Variants in PTK2 observed in about 807,000 individuals in gnomAD.
The protein encoded by PTK2 is protein tyrosine kinase 2.
A neutral mutation model predicts 150.1 loss-of-function variants in PTK2; 45 were observed. That is an observed-to-expected ratio of 0.30 (90% CI 0.24 to 0.38). The LOEUF is 0.38. Among genes scored for constraint, PTK2 ranks in the 10% least tolerant of loss-of-function variants. The pLI is 1.00. For synonymous variants in PTK2, 432 were observed against 449.2 expected (o/e 0.96, Z 0.48); for missense variants, 919 against 1,307.3 (o/e 0.70, Z 4.58).
intron 21 of PTK2, among the ~76,000 whole-genome samples, chr8:140,737,352 C>T (rs1173055166): frequency 6.6e-6 from 1 of 152,142 alleles, no homozygotes; most frequent in Non-Finnish European, 1.5e-5. Flanking sequence ...ATCCTCCCTC[C>T]TTGGCCTCCC....
At chr8:140,931,374 C>T (rs1317676348) in intron 1 of PTK2, among the ~76,000 whole-genome samples, 1 of 152,048 alleles carries the variant, frequency 6.6e-6, no homozygotes, top group African/African-American at 2.4e-5. Context: ...TCAGCCTAGG[C>T]AACAAGATGA....
intron 1 of PTK2, among the ~76,000 whole-genome samples, chr8:140,940,374 G>A (rs375722954): frequency 5.3e-5 from 8 of 152,218 alleles, no homozygotes; most frequent in African/African-American, 1.9e-4. Context: ...GCCTGAACCC[G>A]GGAAACGGAG....
chr8:140,778,319 C>T (rs2100079595), intron 14 of PTK2, among the ~76,000 whole-genome samples: 1 of 152,152 alleles, frequency 6.6e-6, no homozygotes. Flanking sequence ...AAAAATTAGC[C>T]AGGCATCTGT....
chr8:140,745,979 G>A (rs1194408387), intron 18 of PTK2, among the ~76,000 whole-genome samples: 10 of 147,810 alleles, frequency 6.8e-5, no homozygotes, highest in East Asian at 5.9e-4. Flanking sequence ...CAGCTTGGGC[G>A]ACAGAGCGAG....
chr8:140,885,027 A>G (rs1287101925), intron 3 of PTK2, among the ~76,000 whole-genome samples: 1 of 152,212 alleles, frequency 6.6e-6, no homozygotes, highest in Admixed American at 6.5e-5. Context: ...TGAATGGGAT[A>G]AGAATACTGT....
chr8:140,980,609 G>A (rs966911929), intron 1 of PTK2, among the ~76,000 whole-genome samples: 3 of 152,132 alleles, frequency 2.0e-5, no homozygotes, highest in South Asian at 4.2e-4. Context: ...GCGACAGAGC[G>A]AGACTTCATC....
At chr8:140,838,904 G>A (rs1348130181) in intron 7 of PTK2, among the ~76,000 whole-genome samples, 1 of 151,750 alleles carries the variant, frequency 6.6e-6, no homozygotes, top group Non-Finnish European at 1.5e-5. Context: ...TACTAAGGAG[G>A]CTGAGGCAGG....
In PTK2 at chr8:140,761,034, A is replaced by C. The variant is rs1405125312; in HGVS notation, c.1332+131T>G. On this transcript the variant is annotated intron_variant, in intron 16 of 31. Coordinates refer to ENST00000522684, the Ensembl canonical transcript of PTK2. Reference sequence around the variant, plus strand: ...CGCCAAGTATAAGCTGACATTTATGAAGAGCTTTATAAAAGACACCCGTAA... The same window carrying C: ...CGCCAAGTATAAGCTGACATTTATGCAGAGCTTTATAAAAGACACCCGTAA... 14 of 631,784 alleles carry C rather than the reference A, an allele frequency of 2.2e-5. No homozygotes were observed. In the Admixed American group the frequency reaches 4.6e-4, roughly 21 times the overall value. 39.1% of individuals were successfully genotyped at this position (631,784 alleles called of 1,614,324 possible).
At chr8:140,710,509 A>G (rs2100036214) in intron 23 of PTK2, among the ~76,000 whole-genome samples, 1 of 152,042 alleles carries the variant, frequency 6.6e-6, no homozygotes, top group Admixed American at 6.6e-5. Flanking sequence ...TCTTTACTAA[A>G]AATACAAAAA....
rs554906529 is a variant in PTK2, at chr8:140,829,137, G to C, written c.648+1335C>G. Among the ~76,000 whole-genome samples, 7 of 152,314 alleles carry C rather than the reference G, an allele frequency of 4.6e-5. No homozygotes were observed. In the South Asian group the frequency reaches 1.2e-3, roughly 27 times the overall value. On this transcript the variant is annotated intron_variant, in intron 8 of 31. Coordinates refer to ENST00000522684, the Ensembl canonical transcript of PTK2. Reference sequence around the variant, plus strand: ...AAGTCGAGCAGCATCACTAGAAAGAGAGCCTGAAATAAAGAGTATATTTTT... The same window carrying C: ...AAGTCGAGCAGCATCACTAGAAAGACAGCCTGAAATAAAGAGTATATTTTT...
chr8:140,957,783 A>G (rs1222266916), intron 1 of PTK2, among the ~76,000 whole-genome samples: 1 of 152,200 alleles, frequency 6.6e-6, no homozygotes, highest in East Asian at 1.9e-4. Context: ...ATGCTGTACA[A>G]TTTTGCAGTC....
At chr8:140,956,521 T>C (rs1016291000) in intron 1 of PTK2, among the ~76,000 whole-genome samples, 6 of 152,240 alleles carry the variant, frequency 3.9e-5, no homozygotes, top group Admixed American at 1.3e-4. Flanking sequence ...TTAATTATCA[T>C]TGTAGAGTAC....
chr8:140,927,975 A>AAAAAAAAAAAAAAT, intron 1 of PTK2, among the ~76,000 whole-genome samples: 1 of 48,196 alleles, frequency 2.1e-5, no homozygotes, highest in Non-Finnish European at 3.4e-5. Context: ...AAAAAAAAAA[A>AAAAAAAAAAAAAAT]ATATATATAT....
intron 28 of PTK2, 35 bp downstream of exon 31, chr8:140,675,421 TAAAC>T (rs2100013060): frequency 6.3e-7 from 1 of 1,598,424 alleles, no homozygotes; most frequent in Non-Finnish European, 8.6e-7. Flanking sequence ...TTCATCAAAT[TAAAC>T]TAACTTCTTT....
At chr8:140,737,609 C>A (rs1443808267) in intron 21 of PTK2, among the ~76,000 whole-genome samples, 1 of 152,090 alleles carries the variant, frequency 6.6e-6, no homozygotes, top group African/African-American at 2.4e-5. Flanking sequence ...CAAAAGAGTT[C>A]TTTTAAAGTC....
intron 17 of PTK2, among the ~76,000 whole-genome samples, chr8:140,751,043 A>T (rs1565632143): frequency 6.6e-6 from 1 of 152,078 alleles, no homozygotes; most frequent in Admixed American, 6.5e-5. Context: ...TGAGTCCAGG[A>T]GGTGACACAG....
intron 2 of PTK2, among the ~76,000 whole-genome samples, chr8:140,922,179 G>C (rs2100167710): frequency 6.6e-6 from 1 of 152,074 alleles, no homozygotes; most frequent in African/African-American, 2.4e-5. Context: ...TGATGCCCCA[G>C]GACAGTTGTT....
intron 22 of PTK2, chr8:140,734,580 C>T (rs554714359): frequency 8.0e-6 from 3 of 375,162 alleles, no homozygotes; most frequent in African/African-American, 2.1e-5. Flanking sequence ...AGGGATTCAG[C>T]ACACTAATGT....
At chr8:140,813,454 G>C (rs971500293) in intron 10 of PTK2, among the ~76,000 whole-genome samples, 2 of 151,338 alleles carry the variant, frequency 1.3e-5, no homozygotes, top group Non-Finnish European at 2.9e-5. Context: ...TTCTCTCGGA[G>C]CACAGCACGG....
Sources: allele counts gnomAD v4.1 joint callset (sites outside exome capture counted in the v4.1 genomes callset), GRCh38; gene constraint gnomAD v4.1.1; transcripts MANE v1.5; gene names NCBI Gene and HGNC (gene_info 2026-07-23, HGNC 2026-07-21).